ADCY2: variants seen among roughly 807,000 people sequenced by gnomAD.
The protein encoded by ADCY2 is adenylate cyclase 2.
A neutral mutation model predicts 125.2 loss-of-function variants in ADCY2; 31 were observed. The ratio of observed to expected loss-of-function variants is 0.25; its 90% CI spans 0.19 to 0.33. ADCY2 has a LOEUF of 0.33. Ranked by LOEUF, ADCY2 falls within the 10% of genes least tolerant of loss-of-function variation. The pLI is 1.00. For synonymous variants in ADCY2, 512 were observed against 548.4 expected, an observed-to-expected ratio of 0.93 and a Z score of 0.93; for missense variants, 904 against 1,418.2, an observed-to-expected ratio of 0.64 and a Z score of 5.82.
chr5:7,589,456 GAAAAAGA>G (rs1379319303), intron 3 of ADCY2, among the ~76,000 whole-genome samples: 12 of 22,298 alleles, frequency 5.4e-4, no homozygotes, highest in African/African-American at 1.5e-3. Context: ...AAGAAGGAAA[GAAAAAGA>G]AAGAAAGAAA....
intron 2 of ADCY2, among the ~76,000 whole-genome samples, chr5:7,510,053 A>C (rs1314484052): frequency 6.6e-6 from 1 of 152,224 alleles, no homozygotes; most frequent in Non-Finnish European, 1.5e-5. Flanking sequence ...TAATGATGAC[A>C]CAGAGAAGGT....
chr5:7,489,093 C>T (rs567584710), intron 2 of ADCY2, among the ~76,000 whole-genome samples: 4 of 152,312 alleles, frequency 2.6e-5, no homozygotes, highest in African/African-American at 9.6e-5. Context: ...CCAGAGCACT[C>T]CTGAGGCCCG....
At chr5:7,649,093 T>G (rs1738997276) in intron 4 of ADCY2, among the ~76,000 whole-genome samples, 1 of 152,222 alleles carries the variant, frequency 6.6e-6, no homozygotes, top group African/African-American at 2.4e-5. Context: ...ATATGAAAAC[T>G]TTTAAAATAT....
intron 2 of ADCY2, among the ~76,000 whole-genome samples, chr5:7,494,726 T>C (rs58157344): frequency 6.6e-6 from 1 of 152,206 alleles, no homozygotes; most frequent in Admixed American, 6.5e-5. Context: ...GGTAATGCTG[T>C]TGTAGGTTTC....
intron 4 of ADCY2, among the ~76,000 whole-genome samples, chr5:7,635,689 G>T (rs1579260290): frequency 6.6e-6 from 1 of 152,110 alleles, no homozygotes; most frequent in East Asian, 1.9e-4. Flanking sequence ...CAGATGAGAT[G>T]CCCCAAGGAG....
rs1443104319 is a variant in ADCY2, at chr5:7,482,791, T to TATATATATATATATATATATAC, written c.409-37946_409-37945insTATATATATATATATATATACA. 1.1e-3 allele frequency among the ~76,000 whole-genome samples: 149 copies of TATATATATATATATATATATAC among 139,748 alleles called. 3 individuals are homozygous for TATATATATATATATATATATAC. Among genetic ancestry groups the TATATATATATATATATATATAC allele is most frequent in the African/African-American group, 3.9e-3 (140 of 35,698 alleles). The allele number at this position is 139,748 out of a possible 152,430, so 91.7% of individuals were successfully genotyped here. A position where few individuals can be genotyped will look rare whatever the true frequency, so the allele number is the denominator to read the frequency against. On this transcript the variant is annotated intron_variant, in intron 2 of 24. Transcript: ENST00000338316. ...TGATATATATATATATATATATATA[T>TATATATATATATATATATATAC]ACACACACACATACATATATACATA...
intron 3 of ADCY2, chr5:7,522,414 C>T (rs1024041206): frequency 6.6e-6 from 1 of 152,096 alleles, no homozygotes; most frequent in Non-Finnish European, 1.5e-5. Context: ...GGATGAAGTG[C>T]AAGAAACACT....
chr5:7,472,429 A>C (rs1449948147), intron 2 of ADCY2, among the ~76,000 whole-genome samples: 1 of 152,006 alleles, frequency 6.6e-6, no homozygotes, highest in Non-Finnish European at 1.5e-5. Context: ...TACCTTTTCC[A>C]GTAGTCTTTA....
intron 12 of ADCY2, among the ~76,000 whole-genome samples, chr5:7,724,114 CAAAAAAA>C (rs1272949604): frequency 9.1e-5 from 7 of 76,558 alleles, no homozygotes; most frequent in Admixed American, 4.0e-4. Flanking sequence ...TAGAAGCTAA[CAAAAAAA>C]AAAAAAAAAA....
chr5:7,754,442 A>T (rs1356739255), intron 15 of ADCY2, among the ~76,000 whole-genome samples: 2 of 152,142 alleles, frequency 1.3e-5, no homozygotes, highest in East Asian at 3.8e-4. Context: ...CATTTTCATT[A>T]TCATATCTAT....
At chr5:7,783,401 G>A (rs144854153) in intron 18 of ADCY2, among the ~76,000 whole-genome samples, 308 of 152,120 alleles carry the variant, frequency 2.0e-3, no homozygotes, top group African/African-American at 7.0e-3. Context: ...CGTTTGAAGC[G>A]GTTTATGCAA....
chr5:7,552,354 G>T (rs1735369805), intron 3 of ADCY2, among the ~76,000 whole-genome samples: 1 of 152,230 alleles, frequency 6.6e-6, no homozygotes, highest in Non-Finnish European at 1.5e-5. Flanking sequence ...GTGAGAAGCA[G>T]TATTTTGATG....
chr5:7,440,416 C>G (rs1740968608), intron 2 of ADCY2, among the ~76,000 whole-genome samples: 1 of 152,128 alleles, frequency 6.6e-6, no homozygotes, highest in Admixed American at 6.5e-5. Context: ...TATTTTTTCC[C>G]TAAGCTACTT....
At chr5:7,824,407 T>A (rs780515820) in intron 24 of ADCY2, among the ~76,000 whole-genome samples, 5 of 152,120 alleles carry the variant, frequency 3.3e-5, no homozygotes, top group Non-Finnish European at 5.9e-5. Flanking sequence ...AGTGGATAGT[T>A]TTAAAATGCC....
intron 2 of ADCY2, among the ~76,000 whole-genome samples, chr5:7,495,735 G>A (rs1743325219): frequency 6.6e-6 from 1 of 152,276 alleles, no homozygotes; most frequent in African/African-American, 2.4e-5. Flanking sequence ...CGTTATGCGA[G>A]TATGCTAAAT....
At position 7,757,592 on chromosome 5, in the gene ADCY2, T is replaced by TGGCCGTGTTCAACATTGTAAGC; in HGVS notation, c.2094+6_2094+7insGGCCGTGTTCAACATTGTAAGC. On this transcript the variant is annotated splice_region_variant and intron_variant, in intron 16 of 24. Coordinates refer to ENST00000338316, the MANE Select transcript of ADCY2 (RefSeq NM_020546.3). The stretch of plus-strand genomic sequence containing the variant: ...TGATGGCCGTGTTCAACATGGTAAG[T>TGGCCGTGTTCAACATTGTAAGC]CCCAGAGCACGGCCGTGTTCAACAT... 1 of 1,545,596 alleles carries TGGCCGTGTTCAACATTGTAAGC rather than the reference T, an allele frequency of 6.5e-7. No individual in the cohort carries two copies. The highest frequency in any genetic ancestry group is 1.5e-5 in the African/African-American group (1 of 68,678).
chr5:7,456,047 T>G (rs1741656819), intron 2 of ADCY2, among the ~76,000 whole-genome samples: 1 of 151,526 alleles, frequency 6.6e-6, no homozygotes, highest in Non-Finnish European at 1.5e-5. Context: ...TGAGATAAAC[T>G]ATTTTATAGT....
chr5:7,564,369 G>A (rs1735819762), intron 3 of ADCY2, among the ~76,000 whole-genome samples: 1 of 152,198 alleles, frequency 6.6e-6, no homozygotes, highest in African/African-American at 2.4e-5. Flanking sequence ...AAGTTCAAGG[G>A]ATTCATTGTG....
intron 1 of ADCY2, among the ~76,000 whole-genome samples, chr5:7,412,644 A>G (rs1466842604): frequency 1.3e-5 from 2 of 152,214 alleles, no homozygotes; most frequent in African/African-American, 4.8e-5. Flanking sequence ...AGAACATCTC[A>G]TTTGATCTAC....
Sources: gnomAD v4.1 joint callset for allele counts (sites outside exome capture counted in the v4.1 genomes callset) on GRCh38, gnomAD v4.1.1 for gene constraint, MANE v1.5 for transcripts, NCBI Gene and HGNC (gene_info 2026-07-23, HGNC 2026-07-21) for gene names.